Variants in BCAS1 observed in about 807,000 individuals in gnomAD.
BCAS1 encodes brain enriched myelin associated protein 1.
In BCAS1, 46 loss-of-function variants were observed where a neutral mutation model predicts 65.4. That is an observed-to-expected ratio of 0.70 (90% CI 0.55 to 0.90). BCAS1 has a LOEUF of 0.90. BCAS1 is among the 40% of genes least tolerant of loss of function. BCAS1 has a pLI of 0.00. For synonymous variants in BCAS1, 298 were observed against 293.5 expected, an observed-to-expected ratio of 1.02 and a Z score of -0.16; for missense variants, 793 against 771.2, an observed-to-expected ratio of 1.03 and a Z score of -0.33.
At chr20:53,963,733 G>A (rs531946855) in intron 10 of BCAS1, among the ~76,000 whole-genome samples, 1 of 152,132 alleles carries the variant, frequency 6.6e-6, no homozygotes, top group Non-Finnish European at 1.5e-5. Context: ...AGCTGTTAGG[G>A]CAGGTTTTTT....
intron 3 of BCAS1, among the ~76,000 whole-genome samples, chr20:54,048,401 A>G (rs1167198987): frequency 6.6e-6 from 1 of 152,100 alleles, no homozygotes; most frequent in Non-Finnish European, 1.5e-5. Flanking sequence ...CCAGTATCCC[A>G]TGCAGCTGGT....
intron 4 of BCAS1, among the ~76,000 whole-genome samples, chr20:54,012,856 G>T (rs1344411610): frequency 6.6e-6 from 1 of 151,226 alleles, no homozygotes; most frequent in Non-Finnish European, 1.5e-5. Context: ...GTAGAGTTGG[G>T]ATTTGATCCC....
At chr20:54,004,276 G>A (rs2091131173) in intron 4 of BCAS1, among the ~76,000 whole-genome samples, 1 of 152,126 alleles carries the variant, frequency 6.6e-6, no homozygotes, top group African/African-American at 2.4e-5. Context: ...CCCAGAAGAG[G>A]GTCCTCACAA....
chr20:54,052,185 T>C (rs1279298035), intron 3 of BCAS1, among the ~76,000 whole-genome samples: 1 of 152,232 alleles, frequency 6.6e-6, no homozygotes, highest in South Asian at 2.1e-4. Context: ...TATGCAGTCA[T>C]GTAGCCTCCA....
At chr20:53,960,469 TAAAAAAAAA>T (rs11467629) in intron 10 of BCAS1, among the ~76,000 whole-genome samples, 1 of 63,090 alleles carries the variant, frequency 1.6e-5, no homozygotes, top group Non-Finnish European at 2.9e-5. Flanking sequence ...TTCAACTTCT[TAAAAAAAAA>T]AAAAAAAAAA....
At chr20:54,005,541 C>T (rs1051235482) in intron 4 of BCAS1, among the ~76,000 whole-genome samples, 10 of 152,142 alleles carry the variant, frequency 6.6e-5, no homozygotes, top group African/African-American at 2.4e-4. Flanking sequence ...TGGGTCTCAG[C>T]ATAACTGGAT....
intron 1 of BCAS1, among the ~76,000 whole-genome samples, chr20:54,067,466 G>A (rs538798404): frequency 3.9e-5 from 6 of 152,378 alleles, no homozygotes; most frequent in African/African-American, 1.4e-4. Flanking sequence ...GGGCTTGGCA[G>A]TACTCAGGTG....
chr20:53,981,397 T>A (rs558273365), intron 8 of BCAS1, among the ~76,000 whole-genome samples: 1 of 152,126 alleles, frequency 6.6e-6, no homozygotes, highest in South Asian at 2.1e-4. Flanking sequence ...AGTTCTTAAG[T>A]CTATTTTGAC....
At chr20:54,058,767 C>T in intron 1 of BCAS1, 44 bp from the exon 2 acceptor site, 1 of 1,600,962 alleles carries the variant, frequency 6.2e-7, no homozygotes. Flanking sequence ...AAATCAAAAC[C>T]AAACGAAGCT....
At chr20:54,057,939 G>A in intron 3 of BCAS1, 146 bp downstream of exon 3, 1 of 656,686 alleles carries the variant, frequency 1.5e-6, no homozygotes, top group Admixed American at 2.7e-5. Context: ...ACCAGGGCAT[G>A]GTAGCCCAAG....
chr20:54,045,469 T>C (rs1307325605), intron 3 of BCAS1, among the ~76,000 whole-genome samples: 2 of 152,158 alleles, frequency 1.3e-5, no homozygotes, highest in African/African-American at 2.4e-5. Context: ...GAAATGTCTG[T>C]ATGGGGCTAG....
At chr20:54,047,781 A>G (rs1187143342) in intron 3 of BCAS1, among the ~76,000 whole-genome samples, 1 of 152,258 alleles carries the variant, frequency 6.6e-6, no homozygotes, top group African/African-American at 2.4e-5. Context: ...AGTACACTCC[A>G]CAGAGTGGGA....
chr20:54,001,544 C>G (rs182989455), intron 4 of BCAS1, among the ~76,000 whole-genome samples: 1 of 152,084 alleles, frequency 6.6e-6, no homozygotes, highest in Admixed American at 6.5e-5. Flanking sequence ...TTTTTCAGAC[C>G]CTGCATTCTG....
chr20:54,020,351 A>G (rs1421945075), intron 4 of BCAS1, among the ~76,000 whole-genome samples: 3 of 152,228 alleles, frequency 2.0e-5, no homozygotes, highest in African/African-American at 4.8e-5. Context: ...AATTTACTAG[A>G]TATTTCAATG....
At chr20:54,008,815 T>A (rs1231685262) in intron 4 of BCAS1, among the ~76,000 whole-genome samples, 2 of 152,102 alleles carry the variant, frequency 1.3e-5, no homozygotes, top group Non-Finnish European at 2.9e-5. Flanking sequence ...AAGATTTTTT[T>A]TTTTTTTTGA....
intron 2 of BCAS1, 147 bp from the exon 3 acceptor site, chr20:54,058,301 T>C (rs1318925482): frequency 1.3e-6 from 1 of 788,326 alleles, no homozygotes; most frequent in Non-Finnish European, 2.1e-6. Context: ...CAGTTTTCTA[T>C]CATGCCTTGG....
chr20:54,065,980 T>C (rs465156), intron 1 of BCAS1, among the ~76,000 whole-genome samples: 97,600 of 152,152 alleles, frequency 0.64, 32,056 homozygotes, highest in African/African-American at 0.77. Flanking sequence ...CCTAATATTT[T>C]TGTAGCGCCT....
intron 4 of BCAS1, among the ~76,000 whole-genome samples, chr20:54,007,592 G>C (rs925028709): frequency 6.6e-6 from 1 of 152,240 alleles, no homozygotes; most frequent in Non-Finnish European, 1.5e-5. Context: ...ACAGACAGTA[G>C]CTATGGAGGA....
At chr20:54,059,074 A>G (rs1256637312) in intron 1 of BCAS1, among the ~76,000 whole-genome samples, 1 of 152,122 alleles carries the variant, frequency 6.6e-6, no homozygotes, top group South Asian at 2.1e-4. Context: ...CGCGAGACTC[A>G]CTCAGTATCA....
Sources: allele counts gnomAD v4.1 joint callset (sites outside exome capture counted in the v4.1 genomes callset), GRCh38; gene constraint gnomAD v4.1.1; transcripts MANE v1.5; gene names NCBI Gene and HGNC (gene_info 2026-07-23, HGNC 2026-07-21).